The following MROH7 variants were observed in gnomAD, a reference collection of about 807,000 sequenced individuals.
MROH7 encodes maestro heat like repeat family member 7, also known as maestro heat-like repeat-containing protein family member 7.
In MROH7, 113 loss-of-function variants were observed where a neutral mutation model predicts 129.2. The observed-to-expected ratio is 0.87, with a 90% CI of 0.75 to 1.02. The LOEUF is 1.02. Ranked by LOEUF, MROH7 falls within the 50% of genes least tolerant of loss-of-function variation. The probability of loss-of-function intolerance (pLI) is 0.00; values close to 1 mark genes in which losing one functional copy is unlikely to be tolerated. For missense variants in MROH7, 1,601 were observed against 1,671.3 expected (o/e 0.96, Z 0.73); for synonymous variants, 655 against 667.9 (o/e 0.98, Z 0.30).
At chr1:54,668,972 G>T in intron 5 of MROH7, 35 bp downstream of exon 5, 2 of 1,475,478 alleles carry the variant, frequency 1.4e-6, no homozygotes, top group Non-Finnish European at 1.9e-6. Flanking sequence ...TGGCATTGGG[G>T]TGGGAGGGGG....
chr1:54,702,091 C>G lies in MROH7; in HGVS notation c.3287C>G (p.Ala1096Gly). 1.3e-6 allele frequency: 2 copies of G among 1,590,584 alleles called. No individual in the cohort carries two copies. Among genetic ancestry groups the G allele is most frequent in the Non-Finnish European group, 1.7e-6 (2 of 1,167,128 alleles). The change falls in exon 20 of 24, where the codon GCA becomes GGA. Residue 1096 changes from alanine to glycine, a missense_variant and splice_region_variant. Ala to Gly is a moderately conservative substitution (Grantham distance 60, BLOSUM62 0). Transcript: ENST00000421030. ...CTCTGAGCCTTTGGTCTTCCCCAGG[C>G]ACGAGAGGTCGTGCGCTCCTCCTGC... ...LQILLPHFSD[A>G]REVVRSSCIN...
intron 7 of MROH7, among the ~76,000 whole-genome samples, chr1:54,672,445 C>T (rs569601695): frequency 2.6e-5 from 4 of 152,022 alleles, no homozygotes; most frequent in South Asian, 2.1e-4. Context: ...TGCCCAGCCT[C>T]GTGTACATGT....
chr1:54,654,253 C>T, intron 3 of MROH7, 96 bp downstream of exon 3: 2 of 1,226,524 alleles, frequency 1.6e-6, no homozygotes, highest in Non-Finnish European at 2.2e-6. Context: ...AGGAAGGGGA[C>T]AGCAGGCAGT....
intron 16 of MROH7, among the ~76,000 whole-genome samples, chr1:54,693,676 G>C (rs546064943): frequency 6.6e-6 from 1 of 152,168 alleles, no homozygotes; most frequent in South Asian, 2.1e-4. Context: ...GGGTCAAGAG[G>C]GAGCACCTTG....
Position 54,682,692 on chromosome 1 carries a change from TA to T in MROH7, c.2420del (p.Lys807SerfsTer17). ...AGATGTGGAGGCAGCTGATACTGTG[TA>T]AGCCCAGCTGTGATGTCCGAGACCT... ...AEMWRQLILC[K>X]PSCDVRDLLD... On this transcript the variant is annotated frameshift_variant, in exon 14 of 24. Coordinates refer to ENST00000421030, the MANE Select transcript of MROH7 (RefSeq NM_001039464.4). LOFTEE classifies it high-confidence loss of function. The T allele has an allele frequency of 1.2e-6, 2 of 1,614,110 alleles. No individual in the cohort carries two copies. Among genetic ancestry groups the T allele is most frequent in the Non-Finnish European group, 1.7e-6 (2 of 1,180,006 alleles).
Position 54,671,043 on chromosome 1 carries a change from C to T in MROH7, c.1599+114C>T. 2.5e-6 allele frequency: 3 copies of T among 1,212,856 alleles called. No homozygotes were observed. In the South Asian group the frequency reaches 4.7e-5, roughly 19 times the overall value. 75.1% of individuals were successfully genotyped at this position (1,212,856 alleles called of 1,614,324 possible). A position where few individuals can be genotyped will look rare whatever the true frequency, so the allele number is the denominator to read the frequency against. ...TGGCCTTGGGCAATTCAACTGACTT[C>T]TGTTGGTCTGAGTAGGTACTTGATA... On this transcript the variant is annotated intron_variant, in intron 7 of 23. Coordinates refer to ENST00000421030, the MANE Select transcript of MROH7 (RefSeq NM_001039464.4).
intron 13 of MROH7, among the ~76,000 whole-genome samples, chr1:54,682,268 G>T (rs1051011973): frequency 1.3e-5 from 2 of 151,036 alleles, no homozygotes; most frequent in Non-Finnish European, 2.9e-5. Flanking sequence ...GGGTTCAAGC[G>T]ATTCTCCTGC....
At chr1:54,657,465 A>G (rs576240470) in intron 3 of MROH7, among the ~76,000 whole-genome samples, 1 of 152,180 alleles carries the variant, frequency 6.6e-6, no homozygotes, top group Non-Finnish European at 1.5e-5. Context: ...TGCAGTCTCA[A>G]ACTGCTGGGA....
In MROH7 at chr1:54,679,972, G is replaced by A. The variant is rs372822211; in HGVS notation, c.2308G>A (p.Val770Ile). 5.8e-5 allele frequency: 94 copies of A among 1,613,842 alleles called. No individual in the cohort carries two copies. In the African/African-American group the frequency reaches 9.3e-4, roughly 16 times the overall value. The change falls in exon 13 of 24, where the codon GTC becomes ATC. Residue 770 changes from valine to isoleucine, a missense_variant. Coordinates refer to ENST00000421030, the MANE Select transcript of MROH7 (RefSeq NM_001039464.4). ...GGCCCGCCAGGTGGCCCTGCTGCCC[G>A]TCTCCCTCCTGGCTAGCTCCTTCAT... The part of the protein sequence containing the change: ...PRARQVALLP[V>I]SLLASSFMTE...
At chr1:54,691,869 C>G (rs1379680054) in intron 15 of MROH7, among the ~76,000 whole-genome samples, 1 of 149,732 alleles carries the variant, frequency 6.7e-6, no homozygotes, top group Non-Finnish European at 1.5e-5. Context: ...CTCTCTCTCT[C>G]TCTCTCTCCT....
chr1:54,709,218 T>C, intron 23 of MROH7, 142 bp downstream of exon 23: 1 of 753,928 alleles, frequency 1.3e-6, no homozygotes, highest in South Asian at 1.7e-5. Flanking sequence ...TTTTTGTTTG[T>C]TTGTTTGTTT....
rs563620610 is a variant in MROH7 at position 54,681,639 on chromosome 1, C to T, written c.2382-1017C>T. ...GTAGAAGGGGAAAGGTTTTTGTTAA[C>T]CCTTTAGTACACTGGCCTGCCAGTG... On this transcript the variant is annotated intron_variant, in intron 13 of 23. Transcript: ENST00000421030. Among the ~76,000 whole-genome samples, 19 of 152,276 alleles carry T rather than the reference C, an allele frequency of 1.2e-4. No individual in the cohort carries two copies. The South Asian group carries it at 3.9e-3, about 32-fold the overall frequency.
chr1:54,663,691 A>C lies in MROH7; in HGVS notation c.1232-1476A>C, dbSNP rs115283300. On this transcript the variant is annotated intron_variant, in intron 3 of 23. Coordinates refer to ENST00000421030, the MANE Select transcript of MROH7 (RefSeq NM_001039464.4). Reference sequence around the variant, plus strand: ...GCCCGGCCCCCATCAGCTCTAAAAAAAAAAAAAAAACAAAAAAAAAACAAG... The same window carrying C: ...GCCCGGCCCCCATCAGCTCTAAAAACAAAAAAAAAACAAAAAAAAAACAAG... 1,358 of 398,420 alleles carry C rather than the reference A, an allele frequency of 3.4e-3. 19 individuals carry two copies. Among genetic ancestry groups the C allele is most frequent in the African/African-American group, 0.028 (1,211 of 43,922 alleles). 24.7% of individuals were successfully genotyped at this position (398,420 alleles called of 1,614,324 possible).
chr1:54,649,259 C>G (rs1036673338), intron 1 of MROH7, among the ~76,000 whole-genome samples: 8 of 152,226 alleles, frequency 5.3e-5, no homozygotes, highest in Non-Finnish European at 1.2e-4. Context: ...GTTAATGATT[C>G]TCTCTGTCTT....
chr1:54,668,647 GCATTCAGGATTAACTCCTCCAACCCCT>G (rs1168922373), intron 4 of MROH7, among the ~76,000 whole-genome samples, 180 bp from the exon 5 acceptor site: 1 of 152,090 alleles, frequency 6.6e-6, no homozygotes, highest in Non-Finnish European at 1.5e-5. Context: ...CCAAATGCTG[GCATTCAGGATTAACTCCTCCAACCCCT>G]CAATATTCTC....
At chr1:54,696,659 CTTTTTTTTTTTT>C (rs1157748080) in intron 17 of MROH7, among the ~76,000 whole-genome samples, 51 of 66,880 alleles carry the variant, frequency 7.6e-4, no homozygotes, top group Admixed American at 1.3e-3. Context: ...AATTTCCTTA[CTTTTTTTTTTTT>C]TTTTTTTTTT....
At chr1:54,655,021 T>A (rs1261878272) in intron 3 of MROH7, among the ~76,000 whole-genome samples, 1 of 151,776 alleles carries the variant, frequency 6.6e-6, no homozygotes, top group Non-Finnish European at 1.5e-5. Context: ...TCCTATTTTT[T>A]TTTTTTTTTT....
chr1:54,668,029 C>T (rs1644839363), intron 4 of MROH7, among the ~76,000 whole-genome samples: 1 of 152,238 alleles, frequency 6.6e-6, no homozygotes, highest in Admixed American at 6.5e-5. Context: ...AGACTGAGAT[C>T]ACTCAGTGGG....
chr1:54,652,754 T>C, intron 2 of MROH7, 99 bp from the exon 3 acceptor site: 1 of 849,804 alleles, frequency 1.2e-6, no homozygotes, highest in Non-Finnish European at 1.8e-6. Flanking sequence ...CAGGGCCTTG[T>C]AAGTCACAGC....
Sources: gnomAD v4.1 joint callset for allele counts (sites outside exome capture counted in the v4.1 genomes callset) on GRCh38, gnomAD v4.1.1 for gene constraint, MANE v1.5 for transcripts, NCBI Gene and HGNC (gene_info 2026-07-23, HGNC 2026-07-21) for gene names.